UGT1A8: variants seen among roughly 807,000 people sequenced by gnomAD.
The protein encoded by UGT1A8 is UDP glucuronosyltransferase family 1 member A8, also known as UDP-glucuronosyltransferase 1A8.
A neutral mutation model predicts 45.3 loss-of-function variants in UGT1A8; 39 were observed. The observed-to-expected ratio is 0.86, with a 90% CI of 0.67 to 1.12. UGT1A8 has a LOEUF of 1.12. Ranked by LOEUF, UGT1A8 falls within the 50% of genes most tolerant of loss-of-function variation. The pLI is 0.00. For synonymous variants in UGT1A8, 275 were observed against 249.2 expected (o/e 1.10, Z -0.97); for missense variants, 719 against 664.9 (o/e 1.08, Z -0.90).
chr2:233,657,793 T>C (rs984663054), intron 1 of UGT1A8, among the ~76,000 whole-genome samples: 8 of 152,240 alleles, frequency 5.3e-5, no homozygotes, highest in Non-Finnish European at 5.9e-5. Context: ...TTGCCATCTG[T>C]ATATGTTCTT....
intron 1 of UGT1A8, among the ~76,000 whole-genome samples, chr2:233,638,430 T>G (rs1282151268): frequency 6.6e-6 from 1 of 152,226 alleles, no homozygotes; most frequent in African/African-American, 2.4e-5. Context: ...AGATGTACAA[T>G]ATACAATACC....
intron 1 of UGT1A8, among the ~76,000 whole-genome samples, chr2:233,620,553 G>A (rs1338966328): frequency 6.6e-6 from 1 of 152,114 alleles, no homozygotes; most frequent in Non-Finnish European, 1.5e-5. Flanking sequence ...CATGGTTTCA[G>A]TTATTTTGAT....
chr2:233,625,856 G>A (rs1398554970), intron 1 of UGT1A8, among the ~76,000 whole-genome samples: 1 of 151,884 alleles, frequency 6.6e-6, no homozygotes, highest in African/African-American at 2.4e-5. Flanking sequence ...TGGGTGATGG[G>A]AGCAATCATG....
chr2:233,658,744 T>A (rs1483456557), intron 1 of UGT1A8, among the ~76,000 whole-genome samples: 8 of 152,242 alleles, frequency 5.3e-5, no homozygotes, highest in Non-Finnish European at 1.2e-4. Context: ...TTTTCTCCAC[T>A]GAATTGTCTT....
chr2:233,690,002 C>T (rs897085594), intron 1 of UGT1A8: 2 of 449,522 alleles, frequency 4.4e-6, no homozygotes, highest in African/African-American at 4.0e-5. Context: ...CTCACTTCAT[C>T]TCACCATTTT....
At chr2:233,633,402 T>G (rs914171906) in intron 1 of UGT1A8, among the ~76,000 whole-genome samples, 6 of 152,236 alleles carry the variant, frequency 3.9e-5, no homozygotes, top group Admixed American at 1.3e-4. Context: ...GCCCTCTTTG[T>G]ACCTCTGGTA....
chr2:233,627,628 C>CCTTCCTTT (rs1559314013), intron 1 of UGT1A8, among the ~76,000 whole-genome samples: 3 of 83,418 alleles, frequency 3.6e-5, no homozygotes, highest in South Asian at 6.7e-4. Flanking sequence ...TTCCTTTCTT[C>CCTTCCTTT]CTTCCTTCCT....
intron 1 of UGT1A8, among the ~76,000 whole-genome samples, chr2:233,728,457 A>G (rs1261555975): frequency 6.6e-6 from 1 of 152,148 alleles, no homozygotes; most frequent in African/African-American, 2.4e-5. Context: ...TCCTCAACAA[A>G]GTCTTCCCAA....
At chr2:233,667,062 G>T (rs1311333450) in intron 1 of UGT1A8, among the ~76,000 whole-genome samples, 2 of 152,102 alleles carry the variant, frequency 1.3e-5, no homozygotes, top group Non-Finnish European at 2.9e-5. Context: ...TTGGACATTT[G>T]GGTTGGTTCC....
At chr2:233,742,142 G>A (rs868040003) in intron 1 of UGT1A8, among the ~76,000 whole-genome samples, 9 of 151,998 alleles carry the variant, frequency 5.9e-5, no homozygotes, top group South Asian at 2.1e-4. Flanking sequence ...ACCCAGCAGC[G>A]CTAGACGAAT....
rs939309903 is a variant in UGT1A8, at chr2:233,740,736, CCT to C, written c.856-26297_856-26296del. ...CATCTTTGCACCACAGGAAATGCCC[CCT>C]TTTACACTCTGAAAACCTTATCAAA... On this transcript the variant is annotated intron_variant, in intron 1 of 4. Coordinates refer to ENST00000373450, the MANE Select transcript of UGT1A8 (RefSeq NM_019076.5). 6.7e-4 allele frequency: 101 copies of C among 151,790 alleles called. 3 individuals are homozygous for C. The highest frequency in any genetic ancestry group is 2.3e-3 in the African/African-American group (96 of 41,118). 9.4% of individuals were successfully genotyped at this position (151,790 alleles called of 1,614,324 possible).
chr2:233,651,525 TAAAG>T (rs1438628468), intron 1 of UGT1A8, among the ~76,000 whole-genome samples: 7 of 152,278 alleles, frequency 4.6e-5, no homozygotes, highest in African/African-American at 1.7e-4. Context: ...TGAATTATAA[TAAAG>T]GAAGGAAAAT....
At chr2:233,739,133 T>C (rs570890692) in intron 1 of UGT1A8, 1 of 152,384 alleles carries the variant, frequency 6.6e-6, no homozygotes, top group East Asian at 1.9e-4. Context: ...GATAAGAATT[T>C]AGGTTTGGGA....
chr2:233,617,831 C>A lies in UGT1A8; in HGVS notation c.124C>A (p.Gln42Lys), dbSNP rs775618915. The A allele has an allele frequency of 6.8e-6, 11 of 1,614,054 alleles. No homozygotes were observed. Among genetic ancestry groups the A allele is most frequent in the Non-Finnish European group, 9.3e-6 (11 of 1,179,998 alleles). Residue 42 changes from glutamine to lysine, a missense_variant, in exon 1 of 5, where the codon CAG (glutamine) becomes AAG (lysine). Physicochemically the swap from Gln to Lys is moderately conservative, Grantham distance 53 (BLOSUM62 1). Coordinates refer to ENST00000373450, the MANE Select transcript of UGT1A8 (RefSeq NM_019076.5). ...GGATGGGAGTCACTGGTTCACCATG[C>A]AGTCGGTGGTGGAGAAACTTATCCT... The part of the protein sequence containing the change: ...PMDGSHWFTM[Q>K]SVVEKLILRG...
At chr2:233,656,710 G>A (rs1449792331) in intron 1 of UGT1A8, among the ~76,000 whole-genome samples, 10 of 152,092 alleles carry the variant, frequency 6.6e-5, no homozygotes, top group Non-Finnish European at 1.5e-4. Context: ...GGAGTGTGAC[G>A]AGGCGTGTCC....
chr2:233,730,701 T>C (rs948528383), intron 1 of UGT1A8, among the ~76,000 whole-genome samples: 9 of 152,052 alleles, frequency 5.9e-5, no homozygotes, highest in African/African-American at 2.2e-4. Flanking sequence ...ATTCTTCTAC[T>C]TGGAATGCTG....
chr2:233,673,505 C>G (rs915614817), intron 1 of UGT1A8, among the ~76,000 whole-genome samples: 1 of 152,056 alleles, frequency 6.6e-6, no homozygotes, highest in African/African-American at 2.4e-5. Context: ...TTGACTAGAG[C>G]CCTACATGTA....
intron 1 of UGT1A8, chr2:233,637,260 T>C (rs763617386): frequency 1.7e-5 from 28 of 1,613,878 alleles, no homozygotes; most frequent in East Asian, 6.7e-5. Context: ...ATCTCTACAG[T>C]CACACATCAA....
At chr2:233,692,127 A>G (rs2075080184) in intron 1 of UGT1A8, 1 of 152,198 alleles carries the variant, frequency 6.6e-6, no homozygotes, top group Admixed American at 6.5e-5. Context: ...AATCATGCCT[A>G]CTATGTATGG....
Sources: gnomAD v4.1 joint callset for allele counts (sites outside exome capture counted in the v4.1 genomes callset) on GRCh38, gnomAD v4.1.1 for gene constraint, MANE v1.5 for transcripts, NCBI Gene and HGNC (gene_info 2026-07-23, HGNC 2026-07-21) for gene names.